TRAPPC9: variants seen among roughly 807,000 people sequenced by gnomAD.
TRAPPC9 encodes the protein IKK2 binding protein.
In TRAPPC9, 83 loss-of-function variants were observed where a neutral mutation model predicts 124.0. The observed-to-expected ratio is 0.67, with a 90% confidence interval of 0.56 to 0.80. The LOEUF (loss-of-function observed/expected upper bound fraction) is 0.80. Ranked by LOEUF, TRAPPC9 falls within the 30% of genes least tolerant of loss-of-function variation. The probability of loss-of-function intolerance (pLI) is 0.00; values close to 1 mark genes in which losing one functional copy is unlikely to be tolerated. For missense variants in TRAPPC9, 1,302 were observed against 1,508.3 expected (o/e 0.86, Z 2.27); for synonymous variants, 638 against 617.5 (o/e 1.03, Z -0.49).
At chr8:140,073,957 C>A (rs985729026) in intron 17 of TRAPPC9, among the ~76,000 whole-genome samples, 1 of 152,172 alleles carries the variant, frequency 6.6e-6, no homozygotes. Context: ...ATTAAATCCT[C>A]CCAGCAATCC....
chr8:140,133,504 G>T, intron 17 of TRAPPC9, among the ~76,000 whole-genome samples: 1 of 152,174 alleles, frequency 6.6e-6, no homozygotes. Flanking sequence ...TCAGGAACAG[G>T]ACAGCATGCC....
intron 9 of TRAPPC9, among the ~76,000 whole-genome samples, chr8:140,347,328 T>G (rs996870557): frequency 1.3e-5 from 2 of 152,196 alleles, no homozygotes; most frequent in Non-Finnish European, 2.9e-5. Flanking sequence ...GAAACGATGC[T>G]TCACAGGCCT....
At chr8:140,419,676 G>A (rs1333251245) in intron 5 of TRAPPC9, among the ~76,000 whole-genome samples, 6 of 151,422 alleles carry the variant, frequency 4.0e-5, no homozygotes, top group African/African-American at 1.2e-4. Context: ...ACGAGGTCAG[G>A]AGATCAAAAC....
chr8:139,988,784 G>C lies in TRAPPC9; in HGVS notation c.2752C>G (p.Leu918Val). 6.4e-7 allele frequency: 1 copy of C among 1,551,546 alleles called. No homozygotes were observed. The highest frequency in any genetic ancestry group is 8.7e-7 in the Non-Finnish European group (1 of 1,146,972). ...LDVFNSTEHE[L>V]TVSTRSSEAL... ...TCGCTGCTCCTGGTGCTGACGGTCAGCTCATGCTCGGTGGAGTTGAAGACA... is the reference window on the plus strand; with the variant it reads ...TCGCTGCTCCTGGTGCTGACGGTCACCTCATGCTCGGTGGAGTTGAAGACA... The change falls in exon 19 of 23, where the codon CTG becomes GTG. Residue 918 changes from leucine to valine, a missense_variant. This residue lies in a region of TRAPPC9 where 640 missense variants were observed against 679.3 expected (regional missense o/e 0.94). Coordinates refer to ENST00000438773, the MANE Select transcript of TRAPPC9 (RefSeq NM_001160372.4).
At position 140,260,758 on chromosome 8, in the gene TRAPPC9, C is replaced by G. The variant is rs148991337; in HGVS notation, c.2279-7829G>C. On this transcript the variant is annotated intron_variant, in intron 15 of 22. Transcript: ENST00000438773. ...AAGTCAGAGAGTTTAAGCAACTTACCCAAAGCCCAACAGCTAATAAGTAAC... is the reference window on the plus strand; with the variant it reads ...AAGTCAGAGAGTTTAAGCAACTTACGCAAAGCCCAACAGCTAATAAGTAAC... Among the ~76,000 whole-genome samples, 179 of 152,208 alleles carry G rather than the reference C, an allele frequency of 1.2e-3. 4 individuals carry two copies. The South Asian group carries it at 0.036, about 31-fold the overall frequency.
chr8:140,212,977 G>A (rs1170377439), intron 17 of TRAPPC9, among the ~76,000 whole-genome samples: 1 of 151,724 alleles, frequency 6.6e-6, no homozygotes, highest in Non-Finnish European at 1.5e-5. Flanking sequence ...GCTGAGACAG[G>A]AGAATCGCTT....
chr8:140,388,449 C>A (rs2068822144), intron 7 of TRAPPC9, among the ~76,000 whole-genome samples: 1 of 151,528 alleles, frequency 6.6e-6, no homozygotes. Context: ...TTTGGGAGGC[C>A]AAGGCGGGCG....
chr8:140,417,462 G>A (rs901463805), intron 5 of TRAPPC9, among the ~76,000 whole-genome samples: 1 of 152,188 alleles, frequency 6.6e-6, no homozygotes, highest in African/African-American at 2.4e-5. Flanking sequence ...TACGAAAAAA[G>A]CTCATCATCA....
At chr8:139,954,101 G>GAGTA (rs1339746417) in intron 19 of TRAPPC9, among the ~76,000 whole-genome samples, 2 of 152,206 alleles carry the variant, frequency 1.3e-5, no homozygotes, top group African/African-American at 2.4e-5. Flanking sequence ...CAGCGACAGG[G>GAGTA]AGTAGATTGG....
rs1300127003 is a variant in TRAPPC9, at chr8:140,299,437, G to T, written c.1768+1032C>A. On this transcript the variant is annotated intron_variant, in intron 11 of 22. Coordinates refer to ENST00000438773, the MANE Select transcript of TRAPPC9 (RefSeq NM_001160372.4). ...CGGAATGCCTTCTTCCTAAATTGGA[G>T]GTACAGGAATTAAGAGTAGAAATAA... 5.3e-5 allele frequency among the ~76,000 whole-genome samples: 8 copies of T among 152,294 alleles called. No individual in the cohort carries two copies. In the East Asian group the frequency reaches 1.5e-3, roughly 29 times the overall value.
Position 139,825,495 on chromosome 8 carries a change from T to C in TRAPPC9, c.3055+60384A>G, listed in dbSNP as rs1825564105. 6.6e-6 allele frequency among the ~76,000 whole-genome samples: 1 copy of C among 152,268 alleles called. No individual in the cohort carries two copies. The highest frequency in any genetic ancestry group is 3.4e-3 in the Middle Eastern group (1 of 294). On this transcript the variant is annotated intron_variant, in intron 21 of 22. Coordinates refer to ENST00000438773, the MANE Select transcript of TRAPPC9 (RefSeq NM_001160372.4). The surrounding 1 kb of genome is among the most constrained non-coding windows in gnomAD (Gnocchi z 4.6). ...CCAGGTGGGGGCTGCATGGGTCCCATGCCCAACCTCAGACCTCAGGATCTG... is the reference window on the plus strand; with the variant it reads ...CCAGGTGGGGGCTGCATGGGTCCCACGCCCAACCTCAGACCTCAGGATCTG...
At chr8:140,290,842 C>T (rs2065632609) in intron 12 of TRAPPC9, 151 bp downstream of exon 12, 2 of 701,438 alleles carry the variant, frequency 2.9e-6, no homozygotes, top group Non-Finnish European at 2.6e-6. Flanking sequence ...AAAACATGGT[C>T]TTCATTTACA....
At chr8:140,424,880 T>A (rs1441645597) in intron 5 of TRAPPC9, among the ~76,000 whole-genome samples, 4 of 152,102 alleles carry the variant, frequency 2.6e-5, no homozygotes, top group Non-Finnish European at 5.9e-5. Flanking sequence ...TTGGAAACAG[T>A]TTGCTTCAAA....
chr8:139,969,381 G>A (rs568298440), intron 19 of TRAPPC9, among the ~76,000 whole-genome samples: 5 of 152,340 alleles, frequency 3.3e-5, no homozygotes, highest in Admixed American at 6.5e-5. Flanking sequence ...CGCCTGGTGC[G>A]TGGCTTGGCT....
chr8:140,172,475 G>C (rs2061986054), intron 17 of TRAPPC9, among the ~76,000 whole-genome samples: 1 of 117,806 alleles, frequency 8.5e-6, no homozygotes, highest in Admixed American at 8.5e-5. Flanking sequence ...ACTACCTCTG[G>C]GCAATGGAGG....
chr8:139,760,798 G>A (rs1563793776), intron 21 of TRAPPC9, among the ~76,000 whole-genome samples: 1 of 152,164 alleles, frequency 6.6e-6, no homozygotes, highest in Non-Finnish European at 1.5e-5. Context: ...TAGATCTTGT[G>A]AGACCCACTC....
intron 21 of TRAPPC9, among the ~76,000 whole-genome samples, chr8:139,810,075 T>C (rs1400873364): frequency 6.6e-6 from 1 of 152,156 alleles, no homozygotes; most frequent in Non-Finnish European, 1.5e-5. Flanking sequence ...ACATTCACCC[T>C]GTTCCCTCCT....
Position 139,784,531 on chromosome 8 carries a change from G to A in TRAPPC9, c.3056-52329C>T, listed in dbSNP as rs915911829. 4.9e-4 allele frequency among the ~76,000 whole-genome samples: 74 copies of A among 150,088 alleles called. 1 individual carries two copies. In the East Asian group the frequency reaches 5.1e-3, roughly 10 times the overall value. On this transcript the variant is annotated intron_variant, in intron 21 of 22. Coordinates refer to ENST00000438773, the MANE Select transcript of TRAPPC9 (RefSeq NM_001160372.4). ...TGAGGTTGCAGTGAGCAGAGATCGCGCCATTGCACTCCAGCCTGGGCAACG... is the reference window on the plus strand; with the variant it reads ...TGAGGTTGCAGTGAGCAGAGATCGCACCATTGCACTCCAGCCTGGGCAACG...
At chr8:140,023,133 G>A (rs748648336) in intron 18 of TRAPPC9, among the ~76,000 whole-genome samples, 139 of 151,960 alleles carry the variant, frequency 9.1e-4, no homozygotes, top group Non-Finnish European at 1.6e-3. Flanking sequence ...AGACCTAGCC[G>A]GACACGAACA....
Sources: allele counts gnomAD v4.1 joint callset (sites outside exome capture counted in the v4.1 genomes callset), GRCh38; gene constraint gnomAD v4.1.1; regional missense constraint gnomAD v4.1.1; non-coding constraint Gnocchi (gnomAD v3.1); transcripts MANE v1.5; gene names NCBI Gene and HGNC (gene_info 2026-07-23, HGNC 2026-07-21).